SPATA16: variants seen among roughly 807,000 people sequenced by gnomAD.
The protein encoded by SPATA16 is spermatogenesis-associated protein 16.
Under a neutral mutation model 63.3 loss-of-function variants are expected in SPATA16, and 36 were observed. The observed-to-expected ratio is 0.57, with a 90% CI of 0.44 to 0.75. SPATA16 has a LOEUF of 0.75. SPATA16 is among the 30% of genes least tolerant of loss of function. The pLI, the probability that SPATA16 is intolerant of heterozygous loss-of-function variation, is 0.00. For missense variants in SPATA16, 646 were observed against 679.3 expected (o/e 0.95, Z 0.54); for synonymous variants, 203 against 216.7 (o/e 0.94, Z 0.56).
At position 172,943,774 on chromosome 3, in the gene SPATA16, AT is replaced by A. The variant is rs374368043; in HGVS notation, c.1081+12902del. Among the ~76,000 whole-genome samples, 48 of 152,250 alleles carry A rather than the reference AT, an allele frequency of 3.2e-4. No individual in the cohort carries two copies. The East Asian group carries it at 8.9e-3, about 28-fold the overall frequency. ...AACAGAAAGAAAATTATCAAATAACATTAAAATTTAAATCTCACTTCATCAA... is the reference window on the plus strand; with the variant it reads ...AACAGAAAGAAAATTATCAAATAACATAAAATTTAAATCTCACTTCATCAA... On this transcript the variant is annotated intron_variant, in intron 6 of 10. Transcript: ENST00000351008.
At chr3:173,049,525 A>G (rs940156124) in intron 2 of SPATA16, among the ~76,000 whole-genome samples, 14 of 152,176 alleles carry the variant, frequency 9.2e-5, no homozygotes, top group African/African-American at 3.1e-4. Flanking sequence ...CAGCTGAGCA[A>G]TGATCTAGCA....
chr3:173,103,980 C>A (rs903247157), intron 2 of SPATA16, among the ~76,000 whole-genome samples: 1 of 152,202 alleles, frequency 6.6e-6, no homozygotes, highest in African/African-American at 2.4e-5. Context: ...CAGGCCTTAT[C>A]TTGAATGCTT....
chr3:173,122,936 A>G (rs1378706861), intron 1 of SPATA16, among the ~76,000 whole-genome samples: 2 of 152,236 alleles, frequency 1.3e-5, no homozygotes, highest in African/African-American at 2.4e-5. Context: ...CTGAGGTGCT[A>G]TATTCTACAG....
At chr3:173,093,040 A>AACACACACACACAC (rs57114377) in intron 2 of SPATA16, among the ~76,000 whole-genome samples, 2 of 142,552 alleles carry the variant, frequency 1.4e-5, no homozygotes, top group African/African-American at 5.2e-5. Context: ...ATGCACCTAA[A>AACACACACACACAC]ACACACACAC....
chr3:172,898,810 T>C (rs781424902), intron 10 of SPATA16, among the ~76,000 whole-genome samples: 26 of 151,796 alleles, frequency 1.7e-4, no homozygotes, highest in Admixed American at 3.9e-4. Context: ...CAGTTATTGA[T>C]TTGAGATAGC....
chr3:173,037,232 A>C (rs1735733512), intron 3 of SPATA16, among the ~76,000 whole-genome samples: 1 of 152,004 alleles, frequency 6.6e-6, no homozygotes. Context: ...CCTAAGACTA[A>C]AATACCCTCT....
chr3:172,889,920 A>G (rs59204362), intron 10 of SPATA16, among the ~76,000 whole-genome samples: 14,822 of 152,196 alleles, frequency 0.097, 812 homozygotes, highest in African/African-American at 0.14. Context: ...TTGCCTTATC[A>G]CTTGGTCCAA....
chr3:173,089,905 G>C (rs954698619), intron 2 of SPATA16, among the ~76,000 whole-genome samples: 1 of 152,148 alleles, frequency 6.6e-6, no homozygotes, highest in Non-Finnish European at 1.5e-5. Context: ...TGACTTGAGC[G>C]TGTTGTAAAT....
chr3:173,001,218 T>G (rs1286600450), intron 4 of SPATA16, among the ~76,000 whole-genome samples: 2 of 151,728 alleles, frequency 1.3e-5, no homozygotes, highest in African/African-American at 2.4e-5. Context: ...TCTCAGTCTT[T>G]TAGTGAGCCT....
At chr3:172,898,871 C>T (rs1732065096) in intron 10 of SPATA16, among the ~76,000 whole-genome samples, 1 of 151,642 alleles carries the variant, frequency 6.6e-6, no homozygotes, top group Non-Finnish European at 1.5e-5. Flanking sequence ...TCTCTCATTG[C>T]TATTTTACCT....
In SPATA16 at chr3:172,961,030, C is replaced by CTCTTTCTT. The variant is rs1173409218; in HGVS notation, c.934-4214_934-4207dup. 2.2e-3 allele frequency among the ~76,000 whole-genome samples: 121 copies of CTCTTTCTT among 55,102 alleles called. 2 individuals carry two copies. The highest frequency in any genetic ancestry group is 0.013 in the Middle Eastern group (1 of 80). 36.1% of individuals were successfully genotyped at this position (55,102 alleles called of 152,430 possible). Reference sequence around the variant, plus strand: ...TCTTTCTTTCTTTTTCTCTCTTTCTCTCTTTCTTTCTTTCTTTCTTCTTTC... The same window carrying CTCTTTCTT: ...TCTTTCTTTCTTTTTCTCTCTTTCTCTCTTTCTTTCTTTCTTTCTTTCTTTCTTCTTTC... On this transcript the variant is annotated intron_variant, in intron 5 of 10. Transcript: ENST00000351008.
chr3:173,051,420 C>T lies in SPATA16; in HGVS notation c.613-2326G>A, dbSNP rs145648673. 2.9e-3 allele frequency among the ~76,000 whole-genome samples: 446 copies of T among 152,154 alleles called. 1 individual carries two copies. The highest frequency in any genetic ancestry group is 8.7e-3 in the African/African-American group (363 of 41,532). ...GGTTTCACCGTGTTAGCCAGGATGA[C>T]CTCGGTCTTCTGACCTTGTGATCCA... On this transcript the variant is annotated intron_variant, in intron 2 of 10. Coordinates refer to ENST00000351008, the MANE Select transcript of SPATA16 (RefSeq NM_031955.6).
At chr3:173,062,914 A>G (rs1234187411) in intron 2 of SPATA16, among the ~76,000 whole-genome samples, 1 of 152,192 alleles carries the variant, frequency 6.6e-6, no homozygotes, top group African/African-American at 2.4e-5. Context: ...TTGTACTCCT[A>G]TGAGACTCTA....
At chr3:173,029,980 A>G (rs2108283266) in intron 3 of SPATA16, among the ~76,000 whole-genome samples, 1 of 152,176 alleles carries the variant, frequency 6.6e-6, no homozygotes, top group South Asian at 2.1e-4. Context: ...TTTGAAAAGC[A>G]TTCATAACAA....
intron 3 of SPATA16, among the ~76,000 whole-genome samples, chr3:173,024,519 AG>A (rs1234569782): frequency 1.3e-5 from 2 of 150,946 alleles, no homozygotes; most frequent in Non-Finnish European, 3.0e-5. Flanking sequence ...TTGATGAATT[AG>A]GTTAATTAAT....
chr3:173,085,574 G>A (rs990892493), intron 2 of SPATA16, among the ~76,000 whole-genome samples: 1 of 152,056 alleles, frequency 6.6e-6, no homozygotes, highest in Non-Finnish European at 1.5e-5. Context: ...TATTGAGAGA[G>A]GGCATCCTTG....
chr3:173,108,698 C>T (rs906734544), intron 2 of SPATA16, among the ~76,000 whole-genome samples: 3 of 152,122 alleles, frequency 2.0e-5, no homozygotes, highest in South Asian at 2.1e-4. Context: ...ACAGTAGTCC[C>T]ATCAGATTAT....
intron 5 of SPATA16, among the ~76,000 whole-genome samples, chr3:172,965,390 C>A (rs1229724978): frequency 6.6e-6 from 1 of 152,146 alleles, no homozygotes; most frequent in Admixed American, 6.5e-5. Flanking sequence ...GAAGTGGAAT[C>A]TTTAGCAGGA....
chr3:172,983,750 C>G (rs529182110), intron 4 of SPATA16, among the ~76,000 whole-genome samples: 1 of 152,026 alleles, frequency 6.6e-6, no homozygotes, highest in African/African-American at 2.4e-5. Flanking sequence ...CACACACAAA[C>G]ACACACACTC....
Sources: gnomAD v4.1 joint callset for allele counts (sites outside exome capture counted in the v4.1 genomes callset) on GRCh38, gnomAD v4.1.1 for gene constraint, MANE v1.5 for transcripts, NCBI Gene and HGNC (gene_info 2026-07-23, HGNC 2026-07-21) for gene names.